AKAP13: variants seen among roughly 807,000 people sequenced by gnomAD.
AKAP13 encodes A-kinase anchoring protein 13.
In AKAP13, 80 loss-of-function variants were observed where a neutral mutation model predicts 264.5. The observed-to-expected ratio is 0.30, with a 90% CI of 0.25 to 0.36. The LOEUF is 0.36. Among genes scored for constraint, AKAP13 ranks in the 10% least tolerant of loss-of-function variants. AKAP13 has a pLI of 1.00. For missense variants in AKAP13, 3,712 were observed against 3,435.2 expected, an observed-to-expected ratio of 1.08 and a Z score of -2.01; for synonymous variants, 1,380 against 1,250.2, an observed-to-expected ratio of 1.10 and a Z score of -2.19.
intron 8 of AKAP13, among the ~76,000 whole-genome samples, chr15:85,611,280 C>G (rs2080609449): frequency 1.3e-5 from 2 of 152,206 alleles, no homozygotes; most frequent in Admixed American, 6.5e-5. Flanking sequence ...CACACACTTT[C>G]AACTGCCTAC....
intron 33 of AKAP13, 142 bp from the exon 34 acceptor site, chr15:85,740,076 GTGCT>G: frequency 1.2e-6 from 1 of 845,366 alleles, no homozygotes; most frequent in Non-Finnish European, 1.8e-6. Context: ...AGTTTCTTTG[GTGCT>G]TTCAATTTGA....
intron 2 of AKAP13, among the ~76,000 whole-genome samples, chr15:85,504,691 C>A (rs1409584033): frequency 3.4e-5 from 2 of 59,470 alleles, no homozygotes; most frequent in Admixed American, 1.8e-4. Flanking sequence ...AACACCCTGT[C>A]TCCAAAAAAA....
At chr15:85,552,554 C>G (rs1206132824) in intron 5 of AKAP13, among the ~76,000 whole-genome samples, 3 of 151,530 alleles carry the variant, frequency 2.0e-5, no homozygotes, top group Non-Finnish European at 4.4e-5. Context: ...TTTGAGGTAC[C>G]TGATATTTTT....
Position 85,581,223 on chromosome 15 carries a change from A to T in AKAP13, c.3155A>T (p.Asp1052Val). 6.2e-7 allele frequency: 1 copy of T among 1,614,124 alleles called. No individual in the cohort carries two copies. The highest frequency in any genetic ancestry group is 8.5e-7 in the Non-Finnish European group (1 of 1,180,004). Residue 1052 changes from aspartate (D) to valine (V), a missense_variant, in exon 7 of 37, where the codon GAT (aspartate) becomes GTT (valine). This residue lies in a region of AKAP13 where 2,759 missense variants were observed against 2,411.7 expected (regional missense o/e 1.14). Coordinates refer to ENST00000394518, the MANE Select transcript of AKAP13 (RefSeq NM_007200.5). ...CCATGTCTGTTGCCAGATGGGTCTG[A>T]TGGGTCCGATGCTCTTAACTGCAGT... The part of the protein sequence containing the change: ...LLPCLLPDGS[D>V]GSDALNCSQP...
chr15:85,636,121 C>G (rs906999657), intron 8 of AKAP13, among the ~76,000 whole-genome samples: 3 of 152,030 alleles, frequency 2.0e-5, no homozygotes, highest in Admixed American at 1.3e-4. Context: ...GAGTATGAGT[C>G]TTACTCATAT....
At chr15:85,685,738 C>T (rs962217342) in intron 16 of AKAP13, among the ~76,000 whole-genome samples, 1 of 152,122 alleles carries the variant, frequency 6.6e-6, no homozygotes, top group Non-Finnish European at 1.5e-5. Context: ...ACACTCTTCT[C>T]GCTGCAGGCT....
chr15:85,523,920 G>A (rs563683526), intron 3 of AKAP13, among the ~76,000 whole-genome samples: 3 of 151,462 alleles, frequency 2.0e-5, no homozygotes, highest in Non-Finnish European at 4.4e-5. Flanking sequence ...TAGCTGCATT[G>A]ATAGCCTCAG....
At chr15:85,668,214 A>C (rs2083712475) in intron 13 of AKAP13, among the ~76,000 whole-genome samples, 1 of 152,242 alleles carries the variant, frequency 6.6e-6, no homozygotes, top group African/African-American at 2.4e-5. Flanking sequence ...TACACATGAA[A>C]CAAGCTCTAA....
intron 2 of AKAP13, among the ~76,000 whole-genome samples, chr15:85,504,123 G>T (rs1188373183): frequency 6.6e-6 from 1 of 152,144 alleles, no homozygotes; most frequent in Non-Finnish European, 1.5e-5. Context: ...AAAAACAAGA[G>T]AACTGAGGAT....
At chr15:85,431,714 C>T (rs2073031163) in intron 1 of AKAP13, among the ~76,000 whole-genome samples, 2 of 151,996 alleles carry the variant, frequency 1.3e-5, no homozygotes, top group Non-Finnish European at 2.9e-5. Context: ...AGTAAAAATC[C>T]TAAATTCTGA....
intron 8 of AKAP13, among the ~76,000 whole-genome samples, chr15:85,595,516 T>A (rs1182999618): frequency 1.3e-5 from 2 of 152,234 alleles, no homozygotes; most frequent in Non-Finnish European, 2.9e-5. Context: ...GAATGCAGTA[T>A]ATGAGACATG....
chr15:85,655,959 A>G (rs530389114), intron 11 of AKAP13, among the ~76,000 whole-genome samples, 172 bp downstream of exon 11: 24 of 152,348 alleles, frequency 1.6e-4, no homozygotes, highest in Middle Eastern at 3.4e-3. Context: ...AAAATTTACT[A>G]TGTAGATGAC....
chr15:85,638,597 TCAATCAAAGA>T (rs1482492276), intron 8 of AKAP13, among the ~76,000 whole-genome samples: 2 of 152,168 alleles, frequency 1.3e-5, no homozygotes, highest in Non-Finnish European at 2.9e-5. Context: ...AATTTAAAAT[TCAATCAAAGA>T]GAATTATAAT....
chr15:85,450,480 C>T (rs190047331), intron 1 of AKAP13, among the ~76,000 whole-genome samples: 6 of 151,920 alleles, frequency 3.9e-5, no homozygotes, highest in East Asian at 1.9e-4. Context: ...CTTTCTTTTT[C>T]GTGTGGGCAT....
At chr15:85,440,075 C>G (rs1204538913) in intron 1 of AKAP13, among the ~76,000 whole-genome samples, 1 of 152,082 alleles carries the variant, frequency 6.6e-6, no homozygotes, top group South Asian at 2.1e-4. Flanking sequence ...CCTAACAAAG[C>G]TTTCAGTGTT....
rs1567221714 is a variant in AKAP13 at position 85,735,540 on chromosome 15, CA to C, written c.7442-18del. On this transcript the variant is annotated intron_variant, in intron 31 of 36. Coordinates refer to ENST00000394518, the MANE Select transcript of AKAP13 (RefSeq NM_007200.5). ...TGTTTCACAACTTTAAAAAAAAAAA[CA>C]ACCCTATTTTTTGTTTAGGAGGCGA... 1 of 1,204,968 alleles carries C rather than the reference CA, an allele frequency of 8.3e-7. No homozygotes were observed. 74.6% of individuals were successfully genotyped at this position (1,204,968 alleles called of 1,614,324 possible). A position where few individuals can be genotyped will look rare whatever the true frequency, so the allele number is the denominator to read the frequency against.
intron 16 of AKAP13, chr15:85,691,872 G>T (rs1301050515): frequency 2.0e-6 from 1 of 491,742 alleles, no homozygotes; most frequent in South Asian, 1.5e-5. Flanking sequence ...AGGTCAGAGA[G>T]CACGGCGTAG....
At chr15:85,432,947 G>GAA (rs201705020) in intron 1 of AKAP13, among the ~76,000 whole-genome samples, 45 of 150,016 alleles carry the variant, frequency 3.0e-4, no homozygotes, top group Non-Finnish European at 2.5e-4. Flanking sequence ...GGAAAATATA[G>GAA]AAAGAAAAAA....
chr15:85,676,451 A>G (rs2084233845), intron 14 of AKAP13, among the ~76,000 whole-genome samples: 1 of 152,208 alleles, frequency 6.6e-6, no homozygotes, highest in African/African-American at 2.4e-5. Context: ...TCTGCAGGAA[A>G]AGATAAGTTC....
Sources: gnomAD v4.1 joint callset for allele counts (sites outside exome capture counted in the v4.1 genomes callset) on GRCh38, gnomAD v4.1.1 for gene constraint, gnomAD v4.1.1 regional missense constraint, MANE v1.5 for transcripts, NCBI Gene and HGNC (gene_info 2026-07-23, HGNC 2026-07-21) for gene names.